The following ARMC3 variants were observed in gnomAD, a reference collection of about 807,000 sequenced individuals.
The protein encoded by ARMC3 is armadillo repeat containing 3.
In ARMC3, 74 loss-of-function variants were observed where a neutral mutation model predicts 90.3. The observed-to-expected ratio is 0.82, with a 90% CI of 0.68 to 0.99. The LOEUF is 0.99. Ranked by LOEUF, ARMC3 falls within the 50% of genes least tolerant of loss-of-function variation. ARMC3 has a pLI of 0.00. For synonymous variants in ARMC3, 334 were observed against 361.8 expected, an observed-to-expected ratio of 0.92 and a Z score of 0.87; for missense variants, 958 against 1,042.8, an observed-to-expected ratio of 0.92 and a Z score of 1.12.
intron 17 of ARMC3, among the ~76,000 whole-genome samples, chr10:23,032,573 T>C (rs2131571221): frequency 6.7e-6 from 1 of 148,696 alleles, no homozygotes; most frequent in East Asian, 1.9e-4. Context: ...TTTAGAGTTA[T>C]ATTGATTTTA....
At chr10:23,035,645 C>A (rs1241953213) in intron 18 of ARMC3, among the ~76,000 whole-genome samples, 1 of 152,042 alleles carries the variant, frequency 6.6e-6, no homozygotes, top group African/African-American at 2.4e-5. Context: ...CCTAATAATT[C>A]ACTCACTCAC....
intron 16 of ARMC3, chr10:23,014,309 G>C (rs1305165437): frequency 1.1e-5 from 16 of 1,422,846 alleles, no homozygotes; most frequent in Non-Finnish European, 1.4e-5. Flanking sequence ...AGCACACTTA[G>C]GGGCTCAATG....
intron 10 of ARMC3, among the ~76,000 whole-genome samples, chr10:22,991,888 T>C (rs1463112169): frequency 2.6e-5 from 4 of 152,228 alleles, no homozygotes; most frequent in Admixed American, 2.6e-4. Flanking sequence ...ACTTTGGGAT[T>C]GTATCCCTTG....
At chr10:23,031,704 C>T (rs962735934) in intron 17 of ARMC3, among the ~76,000 whole-genome samples, 2 of 151,988 alleles carry the variant, frequency 1.3e-5, no homozygotes, top group African/African-American at 2.4e-5. Flanking sequence ...ATGCTTTGTT[C>T]CTATCAGTAA....
intron 7 of ARMC3, 150 bp downstream of exon 7, chr10:22,962,228 G>T (rs540521411): frequency 1.9e-6 from 1 of 531,056 alleles, no homozygotes; most frequent in African/African-American, 2.0e-5. Context: ...CTTAAATCAG[G>T]CTAATTGTAG....
At chr10:22,939,515 G>A (rs1265047682) in intron 2 of ARMC3, among the ~76,000 whole-genome samples, 1 of 152,206 alleles carries the variant, frequency 6.6e-6, no homozygotes, top group East Asian at 1.9e-4. Flanking sequence ...TGCGTTAATA[G>A]TCGTGTGGCT....
intron 11 of ARMC3, 52 bp downstream of exon 11, chr10:22,998,449 G>A (rs1407893902): frequency 6.3e-7 from 1 of 1,590,308 alleles, no homozygotes; most frequent in Non-Finnish European, 8.6e-7. Flanking sequence ...AGTACCTACT[G>A]GTGGATTCAT....
chr10:22,956,002 A>G (rs999568182), intron 4 of ARMC3, 70 bp downstream of exon 4: 1 of 1,371,438 alleles, frequency 7.3e-7, no homozygotes, highest in South Asian at 1.4e-5. Flanking sequence ...TAAATTTAAC[A>G]TTAAGGAATT....
Position 23,030,602 on chromosome 10 carries a change from CAAAGGAAAAAAAGA to C in ARMC3, c.2054_2067del (p.Lys685ArgfsTer19). ...CCCTTGTTTACTTTCAAAGGAAAAG[CAAAGGAAAAAAAGA>C]AGAGGAAAAAGTGAAAGAGGAGGAA... is the stretch of plus-strand genomic sequence containing the variant. On this transcript the variant is annotated frameshift_variant, in exon 17 of 19. Transcript: ENST00000298032. The C allele has an allele frequency of 6.2e-7, 1 of 1,611,296 alleles. No homozygotes were observed. Among genetic ancestry groups the C allele is most frequent in the South Asian group, 1.1e-5 (1 of 90,784 alleles).
chr10:22,932,010 T>C lies in ARMC3; in HGVS notation c.14T>C (p.Ile5Thr). 6.2e-7 allele frequency: 1 copy of C among 1,606,340 alleles called. No homozygotes were observed. Among genetic ancestry groups the C allele is most frequent in the Non-Finnish European group, 8.5e-7 (1 of 1,177,720 alleles). The change falls in exon 2 of 19, where the codon ATA (isoleucine) becomes ACA (threonine). Residue 5 changes from isoleucine to threonine, a missense_variant. Coordinates refer to ENST00000298032, the MANE Select transcript of ARMC3 (RefSeq NM_173081.5). MGKK[I>T]KKEVEPPPKD... ...TCTTTTTCCAGGATGGGTAAAAAGA[T>C]AAAGAAGGAAGTAGAGCCTCCTCCT...
Position 23,038,223 on chromosome 10 carries a change from A to G in ARMC3, c.*744A>G, listed in dbSNP as rs183380824. 8.3e-4 allele frequency: 126 copies of G among 152,262 alleles called. No individual in the cohort carries two copies. The highest frequency in any genetic ancestry group is 3.0e-3 in the African/African-American group (124 of 41,560). 9.4% of individuals were successfully genotyped at this position (152,262 alleles called of 1,614,324 possible). On this transcript the variant is annotated 3_prime_UTR_variant, in exon 19 of 19. Coordinates refer to ENST00000298032, the MANE Select transcript of ARMC3 (RefSeq NM_173081.5). ...ACTAAAAAATTTTTATTTTTTGGAAAACTTTGAAGCATAAAGGTAGAGCAA... is the reference window on the plus strand; with the variant it reads ...ACTAAAAAATTTTTATTTTTTGGAAGACTTTGAAGCATAAAGGTAGAGCAA...
At chr10:22,973,392 G>A (rs1384590607) in intron 8 of ARMC3, among the ~76,000 whole-genome samples, 1 of 150,382 alleles carries the variant, frequency 6.6e-6, no homozygotes, top group Non-Finnish European at 1.5e-5. Context: ...GACTAGTATT[G>A]CATATTCTTT....
chr10:22,970,910 G>T (rs1835654813), intron 8 of ARMC3, among the ~76,000 whole-genome samples: 1 of 152,182 alleles, frequency 6.6e-6, no homozygotes, highest in Non-Finnish European at 1.5e-5. Flanking sequence ...CAAATACTAT[G>T]AAATTTACCG....
chr10:22,988,745 C>T (rs1471692259), intron 10 of ARMC3, among the ~76,000 whole-genome samples: 1 of 152,152 alleles, frequency 6.6e-6, no homozygotes, highest in African/African-American at 2.4e-5. Flanking sequence ...GTCCCATCAC[C>T]CTTTGAAAAA....
At chr10:23,013,534 T>C (rs1478965721) in intron 16 of ARMC3, among the ~76,000 whole-genome samples, 1 of 152,242 alleles carries the variant, frequency 6.6e-6, no homozygotes, top group Non-Finnish European at 1.5e-5. Context: ...GATATCTGTG[T>C]ACACTGTGAA....
At chr10:23,026,272 A>C (rs1838713382) in intron 16 of ARMC3, among the ~76,000 whole-genome samples, 1 of 152,116 alleles carries the variant, frequency 6.6e-6, no homozygotes, top group Non-Finnish European at 1.5e-5. Context: ...TGCCAATACC[A>C]GACAAGGACA....
At chr10:22,940,950 A>AGGTCTATCAACAGTTGAATT (rs1358564162) in intron 2 of ARMC3, among the ~76,000 whole-genome samples, 1 of 152,222 alleles carries the variant, frequency 6.6e-6, no homozygotes, top group Non-Finnish European at 1.5e-5. Context: ...AACAACCCAG[A>AGGTCTATCAACAGTTGAATT]GGTCTATCAA....
Position 23,037,423 on chromosome 10 carries a change from C to T in ARMC3, c.2563C>T (p.Pro855Ser). 6.2e-7 allele frequency: 1 copy of T among 1,614,068 alleles called. No individual in the cohort carries two copies. Among genetic ancestry groups the T allele is most frequent in the Non-Finnish European group, 8.5e-7 (1 of 1,179,940 alleles). Residue 855 changes from proline (P) to serine (S), a missense_variant, in exon 19 of 19, where the codon CCA becomes TCA. By Grantham distance (74) the Pro-to-Ser change is moderately conservative (BLOSUM62 -1). Coordinates refer to ENST00000298032, the MANE Select transcript of ARMC3 (RefSeq NM_173081.5). ...GTACGTGATTGACCTCATGTTCCAT[C>T]CAGGTGGACTGATGAAGTTGAGAAG... is the stretch of plus-strand genomic sequence containing the variant. ...EMYVIDLMFH[P>S]GGLMKLRSRE...
chr10:23,022,094 GT>G (rs1838535155), intron 16 of ARMC3, among the ~76,000 whole-genome samples: 1 of 152,014 alleles, frequency 6.6e-6, no homozygotes, highest in Admixed American at 6.6e-5. Flanking sequence ...TCTATAGAGT[GT>G]TTACATACAT....
Sources: allele counts gnomAD v4.1 joint callset (sites outside exome capture counted in the v4.1 genomes callset), GRCh38; gene constraint gnomAD v4.1.1; transcripts MANE v1.5; gene names NCBI Gene and HGNC (gene_info 2026-07-23, HGNC 2026-07-21).